The following APELA variants were observed in gnomAD, a reference collection of about 807,000 sequenced individuals.
APELA encodes apelin receptor early endogenous ligand.
intron 2 of APELA, among the ~76,000 whole-genome samples, chr4:164,880,725 C>T (rs1730639981): frequency 6.6e-6 from 1 of 152,148 alleles, no homozygotes; most frequent in Admixed American, 6.5e-5. Flanking sequence ...TTTAGATAGC[C>T]ACATATTATC....
At chr4:164,885,064 G>A (rs377590459) in intron 2 of APELA, among the ~76,000 whole-genome samples, 2 of 151,948 alleles carry the variant, frequency 1.3e-5, no homozygotes, top group African/African-American at 4.8e-5. Flanking sequence ...GAAGGCCGAG[G>A]GTAGGTTTTA....
downstream of APELA, among the ~76,000 whole-genome samples, chr4:164,897,844 C>T (rs1731003448): frequency 6.6e-6 from 1 of 152,138 alleles, no homozygotes; most frequent in South Asian, 2.1e-4. Flanking sequence ...CAGAGGGGTG[C>T]CAAATCTGTG....
intron 1 of APELA, among the ~76,000 whole-genome samples, chr4:164,877,694 G>C (rs1034909585): frequency 2.6e-5 from 4 of 152,120 alleles, no homozygotes; most frequent in Non-Finnish European, 4.4e-5. Flanking sequence ...GTCTTTACAA[G>C]TAAAATGAAA....
intron 1 of APELA, 33 bp downstream of exon 1, chr4:164,877,440 GT>G: frequency 5.0e-6 from 2 of 398,884 alleles, no homozygotes; most frequent in Non-Finnish European, 8.9e-6. Context: ...CAAGTAACTT[GT>G]TTTGCCTGTT....
At chr4:164,898,299 C>T (rs543106848), downstream of APELA, among the ~76,000 whole-genome samples, 6 of 151,350 alleles carry the variant, frequency 4.0e-5, no homozygotes, top group South Asian at 1.0e-3. Flanking sequence ...GTCAGGAGTT[C>T]GAGACCAGCC....
chr4:164,893,873 T>C (rs13133553), intron 2 of APELA, among the ~76,000 whole-genome samples: 23,139 of 151,998 alleles, frequency 0.15, 1,895 homozygotes, highest in Non-Finnish European at 0.18. Context: ...CTTTTCTATA[T>C]GTCCCATGTC....
At chr4:164,891,131 C>T (rs537155720) in intron 2 of APELA, among the ~76,000 whole-genome samples, 1 of 152,102 alleles carries the variant, frequency 6.6e-6, no homozygotes, top group Non-Finnish European at 1.5e-5. Context: ...ATTCTGAATA[C>T]AGGGCCCTTA....
At chr4:164,884,015 GAAGAGAAGA>G (rs1730712262) in intron 2 of APELA, among the ~76,000 whole-genome samples, 1 of 149,730 alleles carries the variant, frequency 6.7e-6, no homozygotes, top group Non-Finnish European at 1.5e-5. Context: ...AGAAAGAGAG[GAAGAGAAGA>G]AAGAGAAGGG....
At chr4:164,888,806 A>G (rs1730828104) in intron 2 of APELA, among the ~76,000 whole-genome samples, 1 of 152,104 alleles carries the variant, frequency 6.6e-6, no homozygotes. Context: ...TAAAATTCTG[A>G]ATGTAAACCA....
chr4:164,897,801 G>A (rs1450402389), downstream of APELA, among the ~76,000 whole-genome samples: 1 of 152,196 alleles, frequency 6.6e-6, no homozygotes, highest in Non-Finnish European at 1.5e-5. Context: ...TTGACATACA[G>A]CTATCTTTTA....
In APELA at chr4:164,894,915, T is replaced by C. The variant is rs894405046; in HGVS notation, c.*2-501T>C. On this transcript the variant is annotated intron_variant, in intron 2 of 2. Coordinates refer to ENST00000507152, the MANE Select transcript of APELA (RefSeq NM_001297550.2). ...CTCTATATTTGTATTGCTAAATTAGTCATAGTTAACACCCCACTATGACTG... is the reference window on the plus strand; with the variant it reads ...CTCTATATTTGTATTGCTAAATTAGCCATAGTTAACACCCCACTATGACTG... Among the ~76,000 whole-genome samples, 3 of 152,188 alleles carry C rather than the reference T, an allele frequency of 2.0e-5. No individual in the cohort carries two copies. The East Asian group carries it at 5.8e-4, about 29-fold the overall frequency.
intron 2 of APELA, among the ~76,000 whole-genome samples, chr4:164,892,680 G>A (rs529486882): frequency 6.6e-6 from 1 of 152,252 alleles, no homozygotes; most frequent in Non-Finnish European, 1.5e-5. Context: ...AAAGTTTGGG[G>A]AAAATTGATA....
rs1282137551 is a variant in APELA, at chr4:164,877,359, T to G, written c.28T>G (p.Phe10Val). Residue 10 changes from phenylalanine to valine, a missense_variant, in exon 1 of 3, where the codon TTT becomes GTT. Physicochemically the swap from Phe to Val is conservative, Grantham distance 50. Transcript: ENST00000507152. ...GAGATTTCAGCAATTCCTTTTTGCA[T>G]TTTTTATTTTTATTATGAGTCTTCT... The part of the protein sequence containing the change: MRFQQFLFA[F>V]FIFIMSLLLI... 1 of 398,936 alleles carries G rather than the reference T, an allele frequency of 2.5e-6. No homozygotes were observed. Among genetic ancestry groups the G allele is most frequent in the African/African-American group, 2.1e-5 (1 of 48,638 alleles). The allele number at this position is 398,936 out of a possible 1,614,324, so 24.7% of individuals were successfully genotyped here.
chr4:164,890,834 T>G (rs1478312779), intron 2 of APELA, among the ~76,000 whole-genome samples: 1 of 152,224 alleles, frequency 6.6e-6, no homozygotes, highest in Non-Finnish European at 1.5e-5. Flanking sequence ...TTCACAGTAG[T>G]GGCATCATTT....
At position 164,896,898 on chromosome 4, in the gene APELA, C is replaced by T. The variant is rs960838006; in HGVS notation, c.*1484C>T. 1 of 152,092 alleles carries T rather than the reference C, an allele frequency of 6.6e-6. No individual in the cohort carries two copies. The highest frequency in any genetic ancestry group is 1.5e-5 in the Non-Finnish European group (1 of 68,070). 9.4% of individuals were successfully genotyped at this position (152,092 alleles called of 1,614,324 possible). A position where few individuals can be genotyped will look rare whatever the true frequency, so the allele number is the denominator to read the frequency against. On this transcript the variant is annotated 3_prime_UTR_variant, in exon 3 of 3. Coordinates refer to ENST00000507152, the MANE Select transcript of APELA (RefSeq NM_001297550.2). ...AAGCGATCCTTCCACCTCAGCCTCCCAAGTACCTGGGACTACAGGCACTCA... is the reference window on the plus strand; with the variant it reads ...AAGCGATCCTTCCACCTCAGCCTCCTAAGTACCTGGGACTACAGGCACTCA...
chr4:164,893,907 T>C (rs1730924966), intron 2 of APELA, among the ~76,000 whole-genome samples: 1 of 152,092 alleles, frequency 6.6e-6, no homozygotes, highest in South Asian at 2.1e-4. Flanking sequence ...CTCTTCCTCT[T>C]CTACTGCTTT....
chr4:164,889,688 G>C (rs1229222343), intron 2 of APELA, among the ~76,000 whole-genome samples: 1 of 152,130 alleles, frequency 6.6e-6, no homozygotes, highest in East Asian at 1.9e-4. Flanking sequence ...CGGTCACTTT[G>C]AATGACACTG....
chr4:164,879,336 A>T (rs995633384), intron 2 of APELA: 5 of 192,256 alleles, frequency 2.6e-5, no homozygotes, highest in Non-Finnish European at 5.3e-5. Flanking sequence ...ACCAGTGTGT[A>T]TGAAAGCATT....
chr4:164,889,463 A>G (rs756678439), intron 2 of APELA, among the ~76,000 whole-genome samples: 6 of 152,222 alleles, frequency 3.9e-5, no homozygotes, highest in Non-Finnish European at 8.8e-5. Context: ...TATGACATAT[A>G]TACACATTAT....
Sources: gnomAD v4.1 joint callset for allele counts (sites outside exome capture counted in the v4.1 genomes callset) on GRCh38, gnomAD v4.1.1 for gene constraint, MANE v1.5 for transcripts, NCBI Gene and HGNC (gene_info 2026-07-23, HGNC 2026-07-21) for gene names.